Variants in CACNA2D3 observed in about 807,000 individuals in gnomAD.
CACNA2D3 encodes the protein calcium voltage-gated channel auxiliary subunit alpha2delta 3.
CACNA2D3 carries 60 observed loss-of-function variants against 160.6 expected under a neutral mutation model. The ratio of observed to expected loss-of-function variants is 0.37; its 90% CI spans 0.30 to 0.46. CACNA2D3 has a LOEUF of 0.46. CACNA2D3 is among the 20% of genes least tolerant of loss of function. The probability of loss-of-function intolerance (pLI) is 1.00; values close to 1 mark genes in which losing one functional copy is unlikely to be tolerated. For synonymous variants in CACNA2D3, 558 were observed against 492.9 expected, an observed-to-expected ratio of 1.13 and a Z score of -1.75; for missense variants, 1,205 against 1,365.0, an observed-to-expected ratio of 0.88 and a Z score of 1.85.
At chr3:54,182,468 C>G (rs1468291459) in intron 2 of CACNA2D3, among the ~76,000 whole-genome samples, 1 of 152,170 alleles carries the variant, frequency 6.6e-6, no homozygotes, top group Non-Finnish European at 1.5e-5. Context: ...TAAATAAATG[C>G]ATTCCTTCCT....
At chr3:54,576,497 G>A (rs1702584402) in intron 8 of CACNA2D3, among the ~76,000 whole-genome samples, 1 of 152,318 alleles carries the variant, frequency 6.6e-6, no homozygotes, top group East Asian at 1.9e-4. Flanking sequence ...TCTGTAAAAG[G>A]GGAGATCTAG....
In CACNA2D3 at chr3:54,530,914, C is replaced by T. The variant is rs551225225; in HGVS notation, c.544+27260C>T. ...TCATACACACTGGCACCACTGAGACCGGCCTAGCTGTTTCTCAGGGCTCAG... is the reference window on the plus strand; with the variant it reads ...TCATACACACTGGCACCACTGAGACTGGCCTAGCTGTTTCTCAGGGCTCAG... On this transcript the variant is annotated intron_variant, in intron 5 of 37. Transcript: ENST00000474759. 5.9e-4 allele frequency among the ~76,000 whole-genome samples: 90 copies of T among 152,286 alleles called. 1 individual carries two copies. The South Asian group carries it at 0.011, about 18-fold the overall frequency.
intron 11 of CACNA2D3, among the ~76,000 whole-genome samples, chr3:54,693,164 C>T (rs1282348776): frequency 6.6e-6 from 1 of 152,160 alleles, no homozygotes; most frequent in African/African-American, 2.4e-5. Context: ...ATTATCTCAT[C>T]ATCTCATAGA....
At chr3:54,323,705 A>G (rs529148470) in intron 3 of CACNA2D3, among the ~76,000 whole-genome samples, 33 of 152,196 alleles carry the variant, frequency 2.2e-4, no homozygotes, top group African/African-American at 7.7e-4. Context: ...TGACCTCGTG[A>G]TCTGCCTGCC....
intron 11 of CACNA2D3, among the ~76,000 whole-genome samples, chr3:54,723,289 C>T (rs1289763709): frequency 6.7e-6 from 1 of 149,100 alleles, no homozygotes; most frequent in African/African-American, 2.5e-5. Context: ...GCTGTGCTGG[C>T]AGTGAGAATT....
At chr3:54,585,788 A>G (rs12186078) in intron 9 of CACNA2D3, among the ~76,000 whole-genome samples, 15,046 of 152,246 alleles carry the variant, frequency 0.099, 904 homozygotes, top group South Asian at 0.24. Context: ...GGTCCCTCCA[A>G]TGACACATGG....
rs532662209 is a variant in CACNA2D3, at chr3:54,183,856, G to A, written c.204+60262G>A. On this transcript the variant is annotated intron_variant, in intron 2 of 37. Coordinates refer to ENST00000474759, the MANE Select transcript of CACNA2D3 (RefSeq NM_018398.3). ...GCTGAGATTGCGCCACTGCACTCGA[G>A]CCTCAGCAACAAAAGCGAAACTCCG... Among the ~76,000 whole-genome samples, 14 of 123,200 alleles carry A rather than the reference G, an allele frequency of 1.1e-4. No individual in the cohort carries two copies. In the South Asian group the frequency reaches 4.1e-3, roughly 36 times the overall value. 80.8% of individuals were successfully genotyped at this position (123,200 alleles called of 152,430 possible).
At chr3:55,072,198 G>C (rs547605103) in intron 35 of CACNA2D3, among the ~76,000 whole-genome samples, 1 of 152,180 alleles carries the variant, frequency 6.6e-6, no homozygotes, top group Non-Finnish European at 1.5e-5. Flanking sequence ...GTGGATAGTG[G>C]TTAAGGCATT....
Position 54,581,220 on chromosome 3 carries a change from G to A in CACNA2D3, c.889-583G>A, listed in dbSNP as rs868554262. 1.1e-4 allele frequency among the ~76,000 whole-genome samples: 17 copies of A among 152,318 alleles called. 1 individual carries two copies. Among genetic ancestry groups the A allele is most frequent in the African/African-American group, 3.6e-4 (15 of 41,568 alleles). Reference sequence around the variant, plus strand: ...TGTGAGCTTCGGGCAAATAAAAAGTGTGGGGGGGTCCTATTCTGGATATTC... The same window carrying A: ...TGTGAGCTTCGGGCAAATAAAAAGTATGGGGGGGTCCTATTCTGGATATTC... On this transcript the variant is annotated intron_variant, in intron 8 of 37. Transcript: ENST00000474759.
intron 2 of CACNA2D3, among the ~76,000 whole-genome samples, chr3:54,140,790 C>T (rs780247924): frequency 6.6e-6 from 1 of 152,176 alleles, no homozygotes; most frequent in Non-Finnish European, 1.5e-5. Context: ...CCTGGGCTCT[C>T]AGTTGCTACT....
intron 34 of CACNA2D3, among the ~76,000 whole-genome samples, chr3:55,012,966 T>C (rs1292916689): frequency 6.6e-6 from 1 of 152,042 alleles, no homozygotes. Flanking sequence ...AAAGGAATAA[T>C]ATGGTGCTTC....
intron 35 of CACNA2D3, among the ~76,000 whole-genome samples, chr3:55,024,487 C>T (rs1323122310): frequency 6.6e-6 from 1 of 151,950 alleles, no homozygotes; most frequent in Non-Finnish European, 1.5e-5. Flanking sequence ...AGGTCTCTGC[C>T]CTTATGAAAG....
intron 3 of CACNA2D3, among the ~76,000 whole-genome samples, chr3:54,325,690 A>G (rs1195178599): frequency 6.6e-6 from 1 of 152,206 alleles, no homozygotes; most frequent in Non-Finnish European, 1.5e-5. Flanking sequence ...GCAAAACATT[A>G]CAATTAATTA....
At chr3:54,401,236 C>A (rs1699457912) in intron 4 of CACNA2D3, among the ~76,000 whole-genome samples, 1 of 152,008 alleles carries the variant, frequency 6.6e-6, no homozygotes. Context: ...AGACAGTCTG[C>A]AGAACTTATG....
chr3:54,492,954 G>A (rs977389219), intron 4 of CACNA2D3, among the ~76,000 whole-genome samples: 5 of 149,316 alleles, frequency 3.3e-5, no homozygotes, highest in African/African-American at 9.9e-5. Context: ...TACATTTAAT[G>A]TCATTTTTGT....
chr3:54,206,227 A>G (rs1219804828), intron 2 of CACNA2D3, among the ~76,000 whole-genome samples: 1 of 152,186 alleles, frequency 6.6e-6, no homozygotes, highest in Non-Finnish European at 1.5e-5. Context: ...ATGTAAAAGT[A>G]AAGAAAGAGT....
At chr3:54,491,394 G>A (rs1319668464) in intron 4 of CACNA2D3, among the ~76,000 whole-genome samples, 1 of 152,214 alleles carries the variant, frequency 6.6e-6, no homozygotes, top group Non-Finnish European at 1.5e-5. Context: ...AACTTACCCT[G>A]CAGGACAGGG....
chr3:54,898,261 C>A (rs4955906), intron 26 of CACNA2D3, among the ~76,000 whole-genome samples: 1 of 143,356 alleles, frequency 7.0e-6, no homozygotes, highest in South Asian at 2.2e-4. Context: ...CTTGCTCCGT[C>A]ACCCAGGTTG....
chr3:54,956,681 A>G (rs1701903473), intron 27 of CACNA2D3, among the ~76,000 whole-genome samples: 1 of 152,156 alleles, frequency 6.6e-6, no homozygotes, highest in South Asian at 2.1e-4. Flanking sequence ...ATTTGTTCTC[A>G]GAGTAATCTT....
Sources: allele counts gnomAD v4.1 joint callset (sites outside exome capture counted in the v4.1 genomes callset), GRCh38; gene constraint gnomAD v4.1.1; transcripts MANE v1.5; gene names NCBI Gene and HGNC (gene_info 2026-07-23, HGNC 2026-07-21).